Variants in RBFOX1 observed in about 807,000 individuals in gnomAD.
RBFOX1 encodes the protein RNA binding protein fox-1 homolog 1.
A neutral mutation model predicts 57.7 loss-of-function variants in RBFOX1; 8 were observed. The ratio of observed to expected loss-of-function variants is 0.14; its 90% CI spans 0.08 to 0.25. The LOEUF (loss-of-function observed/expected upper bound fraction) is 0.25, where lower values mean the gene tolerates loss of function less well. RBFOX1 is among the 10% of genes least tolerant of loss of function. The pLI is 1.00. For synonymous variants in RBFOX1, 326 were observed against 222.4 expected (o/e 1.47, Z -4.15); for missense variants, 611 against 548.5 (o/e 1.11, Z -1.14).
Position 6,135,958 on chromosome 16 carries a change from C to A in RBFOX1, c.-127+115966C>A, listed in dbSNP as rs139570381. Among the ~76,000 whole-genome samples the A allele has an allele frequency of 8.3e-3, 1,257 of 151,940 alleles. 20 individuals are homozygous for A. The highest frequency in any genetic ancestry group is 0.029 in the African/African-American group (1,202 of 41,434). ...TATAGGTGCCCGCCACCATACCCAGCTAATTTTTGTATTTTTAGTAGAGAT... is the reference window on the plus strand; with the variant it reads ...TATAGGTGCCCGCCACCATACCCAGATAATTTTTGTATTTTTAGTAGAGAT... On this transcript the variant is annotated intron_variant, in intron 1 of 15. Coordinates refer to ENST00000550418, the MANE Select transcript of RBFOX1 (RefSeq NM_018723.4).
At chr16:7,010,422 A>T (rs1006473893) in intron 3 of RBFOX1, among the ~76,000 whole-genome samples, 1 of 152,164 alleles carries the variant, frequency 6.6e-6, no homozygotes, top group Non-Finnish European at 1.5e-5. Flanking sequence ...TGCATTGGCC[A>T]GTGAGACCTC....
chr16:6,161,027 C>T (rs951622013), intron 1 of RBFOX1, among the ~76,000 whole-genome samples: 1 of 152,192 alleles, frequency 6.6e-6, no homozygotes, highest in East Asian at 1.9e-4. Flanking sequence ...GTGGTGTTTC[C>T]CAGCTTTATT....
intron 2 of RBFOX1, among the ~76,000 whole-genome samples, chr16:5,545,657 AT>A (rs1464995027): frequency 6.6e-6 from 1 of 152,132 alleles, no homozygotes; most frequent in Non-Finnish European, 1.5e-5. Flanking sequence ...TCTATTCTCA[AT>A]TAAAAAAAAA....
intron 3 of RBFOX1, among the ~76,000 whole-genome samples, chr16:6,655,486 G>A (rs1273590881): frequency 4.6e-5 from 7 of 151,174 alleles, no homozygotes; most frequent in Non-Finnish European, 1.0e-4. Flanking sequence ...GGGGGTAGGG[G>A]GCAATGCCAT....
intron 1 of RBFOX1, among the ~76,000 whole-genome samples, chr16:6,091,746 G>A (rs2096177995): frequency 6.6e-6 from 1 of 152,156 alleles, no homozygotes; most frequent in East Asian, 1.9e-4. Flanking sequence ...TGGGAGAATT[G>A]CTTGAACCTG....
At chr16:6,620,880 T>C (rs558807991) in intron 2 of RBFOX1, among the ~76,000 whole-genome samples, 2 of 152,336 alleles carry the variant, frequency 1.3e-5, no homozygotes, top group African/African-American at 4.8e-5. Context: ...TTGTATTAGT[T>C]TGATAGGACT....
rs1004852976 is a variant in RBFOX1, at chr16:5,946,802, A to G, written c.351+79467A>G. 4.2e-4 allele frequency among the ~76,000 whole-genome samples: 64 copies of G among 152,290 alleles called. No homozygotes were observed. Among genetic ancestry groups the G allele is most frequent in the African/African-American group, 1.5e-3 (61 of 41,570 alleles). ...TCCAGGTGGATCATGTCAGAATTGA[A>G]CTGTAGGACACCCAGTTGGTGATGG... On this transcript the variant is annotated intron_variant, in intron 4 of 19. Transcript: ENST00000641259. The surrounding 1 kb of genome is among the most constrained non-coding windows in gnomAD (Gnocchi z 4.6).
chr16:6,127,183 G>C, intron 1 of RBFOX1, among the ~76,000 whole-genome samples: 1 of 152,044 alleles, frequency 6.6e-6, no homozygotes, highest in East Asian at 1.9e-4. Context: ...TGGAGTAAGA[G>C]GGTAATGAGG....
At chr16:6,911,980 C>G (rs751133064) in intron 3 of RBFOX1, among the ~76,000 whole-genome samples, 1 of 152,148 alleles carries the variant, frequency 6.6e-6, no homozygotes, top group Non-Finnish European at 1.5e-5. Flanking sequence ...GTAGAAAGAA[C>G]AAGAATAAAG....
chr16:6,039,560 C>G lies in RBFOX1; in HGVS notation c.-127+19568C>G, dbSNP rs1040132852. ...TTTAAAGCAAAACCTTTCATTGCCA[C>G]TGAATAATTATGCATTTCTTAGACT... is the stretch of plus-strand genomic sequence containing the variant. On this transcript the variant is annotated intron_variant, in intron 1 of 15. Transcript: ENST00000550418. Among the ~76,000 whole-genome samples, 7 of 152,086 alleles carry G rather than the reference C, an allele frequency of 4.6e-5. No individual in the cohort carries two copies. In the South Asian group the frequency reaches 1.2e-3, roughly 27 times the overall value.
intron 3 of RBFOX1, among the ~76,000 whole-genome samples, chr16:5,765,301 T>C (rs1266231981): frequency 1.3e-5 from 2 of 152,164 alleles, no homozygotes; most frequent in Non-Finnish European, 2.9e-5. Context: ...GACAACACTG[T>C]GGTTTATAAA....
intron 2 of RBFOX1, among the ~76,000 whole-genome samples, chr16:6,478,656 G>C (rs1339657110): frequency 6.6e-6 from 1 of 151,394 alleles, no homozygotes; most frequent in East Asian, 1.9e-4. Flanking sequence ...TGAACACTTA[G>C]AGGCTATTGT....
Position 7,263,699 on chromosome 16 carries a change from C to G in RBFOX1, c.27+211601C>G, listed in dbSNP as rs1045051088. Among the ~76,000 whole-genome samples the G allele has an allele frequency of 9.2e-5, 14 of 152,042 alleles. No individual in the cohort carries two copies. In the East Asian group the frequency reaches 2.5e-3, roughly 27 times the overall value. ...TTACATGAGGTCAGGAGTTCGAGAC[C>G]AGCCTGGCTAACATGGTGAAACCCC... On this transcript the variant is annotated intron_variant, in intron 4 of 15. Coordinates refer to ENST00000550418, the MANE Select transcript of RBFOX1 (RefSeq NM_018723.4).
At chr16:5,272,238 T>A (rs1287844302) in intron 1 of RBFOX1, among the ~76,000 whole-genome samples, 2 of 152,220 alleles carry the variant, frequency 1.3e-5, no homozygotes, top group Non-Finnish European at 2.9e-5. Context: ...ATCCTAAAAA[T>A]TTTCAGTAAA....
chr16:5,839,570 G>C (rs1251392553), intron 3 of RBFOX1, among the ~76,000 whole-genome samples: 1 of 152,122 alleles, frequency 6.6e-6, no homozygotes. Context: ...GCCATCAGAG[G>C]CTTCTTAATC....
At chr16:6,385,439 A>C (rs992732597) in intron 2 of RBFOX1, among the ~76,000 whole-genome samples, 2 of 152,144 alleles carry the variant, frequency 1.3e-5, no homozygotes, top group Non-Finnish European at 1.5e-5. Context: ...GGCTCACTGC[A>C]ATCTCCTCCT....
chr16:7,453,746 T>C (rs555120768), intron 4 of RBFOX1, among the ~76,000 whole-genome samples: 2 of 152,212 alleles, frequency 1.3e-5, no homozygotes, highest in East Asian at 3.9e-4. Flanking sequence ...ACTAAGGAGA[T>C]GGAAGTCATA....
intron 2 of RBFOX1, among the ~76,000 whole-genome samples, chr16:5,469,281 C>G (rs975180795): frequency 6.6e-6 from 1 of 152,098 alleles, no homozygotes; most frequent in African/African-American, 2.4e-5. Context: ...CCCAGCACAC[C>G]CCCCATGTAG....
intron 4 of RBFOX1, among the ~76,000 whole-genome samples, chr16:7,178,781 T>C (rs2082144443): frequency 6.6e-6 from 1 of 152,212 alleles, no homozygotes; most frequent in South Asian, 2.1e-4. Flanking sequence ...TGACCAAATG[T>C]GCTTTGATCA....
Sources: gnomAD v4.1 joint callset for allele counts (sites outside exome capture counted in the v4.1 genomes callset) on GRCh38, gnomAD v4.1.1 for gene constraint, Gnocchi (gnomAD v3.1) non-coding constraint, MANE v1.5 for transcripts, NCBI Gene and HGNC (gene_info 2026-07-23, HGNC 2026-07-21) for gene names.